Variants in TRHDE observed in about 807,000 individuals in gnomAD.
TRHDE encodes the protein thyrotropin releasing hormone degrading enzyme.
In TRHDE, 72 loss-of-function variants were observed where a neutral mutation model predicts 125.7. The observed-to-expected ratio is 0.57, with a 90% CI of 0.47 to 0.70. TRHDE has a LOEUF of 0.70. Ranked by LOEUF, TRHDE falls within the 30% of genes least tolerant of loss-of-function variation. TRHDE has a pLI of 0.00. For synonymous variants in TRHDE, 509 were observed against 509.1 expected, an observed-to-expected ratio of 1.00 and a Z score of 0.00; for missense variants, 1,110 against 1,327.1, an observed-to-expected ratio of 0.84 and a Z score of 2.54.
At chr12:72,302,930 G>T (rs1440930846) in intron 2 of TRHDE, among the ~76,000 whole-genome samples, 1 of 152,160 alleles carries the variant, frequency 6.6e-6, no homozygotes, top group Non-Finnish European at 1.5e-5. Flanking sequence ...AGCTAACTAG[G>T]TGCCAGTAGC....
intron 6 of TRHDE, among the ~76,000 whole-genome samples, chr12:72,523,743 T>TTTAA (rs1192628826): frequency 6.6e-6 from 1 of 152,190 alleles, no homozygotes; most frequent in Non-Finnish European, 1.5e-5. Context: ...TACACTCTAA[T>TTTAA]AAGACTGTAT....
intron 2 of TRHDE, among the ~76,000 whole-genome samples, chr12:72,375,715 C>A (rs1871848333): frequency 6.6e-6 from 1 of 152,062 alleles, no homozygotes; most frequent in Non-Finnish European, 1.5e-5. Context: ...TCTGTGGTAA[C>A]AATGTAACTT....
chr12:72,520,657 C>T (rs923513146), intron 6 of TRHDE, among the ~76,000 whole-genome samples: 7 of 151,984 alleles, frequency 4.6e-5, no homozygotes, highest in African/African-American at 1.7e-4. Flanking sequence ...CGGCCATCTT[C>T]TTCACTTACT....
At chr12:72,353,753 A>T (rs1371953934) in intron 2 of TRHDE, among the ~76,000 whole-genome samples, 3 of 151,580 alleles carry the variant, frequency 2.0e-5, no homozygotes, top group Non-Finnish European at 4.4e-5. Flanking sequence ...CCACAATCAA[A>T]TTTGCAAAAG....
chr12:72,197,905 A>G (rs1176262948), intron 2 of TRHDE, among the ~76,000 whole-genome samples: 1 of 151,976 alleles, frequency 6.6e-6, no homozygotes, highest in African/African-American at 2.4e-5. Context: ...TTCTGATTAC[A>G]TCTTTTATTT....
chr12:72,621,810 G>A (rs1459300004), intron 15 of TRHDE, 59 bp downstream of exon 15: 1 of 1,249,162 alleles, frequency 8.0e-7, no homozygotes, highest in African/African-American at 1.6e-5. Flanking sequence ...CAGAGTCTCA[G>A]TGGATGCATT....
At chr12:72,505,016 T>C (rs1458013192) in intron 6 of TRHDE, among the ~76,000 whole-genome samples, 1 of 152,096 alleles carries the variant, frequency 6.6e-6, no homozygotes, top group African/African-American at 2.4e-5. Context: ...TATAATACAC[T>C]TTAAATAGCT....
intron 2 of TRHDE, among the ~76,000 whole-genome samples, chr12:72,207,261 A>C (rs1315602014): frequency 6.6e-6 from 1 of 152,216 alleles, no homozygotes; most frequent in Non-Finnish European, 1.5e-5. Flanking sequence ...CAGTCACATT[A>C]GCTTAGATCA....
intron 15 of TRHDE, among the ~76,000 whole-genome samples, chr12:72,635,334 C>A: frequency 6.6e-6 from 1 of 152,166 alleles, no homozygotes; most frequent in Non-Finnish European, 1.5e-5. Flanking sequence ...CCTTTGCCTA[C>A]TTTTTGATGG....
At chr12:72,573,900 T>C (rs1454486153) in intron 10 of TRHDE, among the ~76,000 whole-genome samples, 8 of 151,996 alleles carry the variant, frequency 5.3e-5, no homozygotes, top group Admixed American at 5.2e-4. Context: ...TCTGTTCTAA[T>C]AGACACAATT....
chr12:72,473,812 A>G (rs1876761518), intron 5 of TRHDE, among the ~76,000 whole-genome samples: 1 of 152,196 alleles, frequency 6.6e-6, no homozygotes, highest in South Asian at 2.1e-4. Flanking sequence ...TTCATTTTAT[A>G]TAAGCTTTCA....
chr12:72,153,490 G>T (rs1161910880), intron 2 of TRHDE, among the ~76,000 whole-genome samples: 3 of 152,114 alleles, frequency 2.0e-5, no homozygotes, highest in African/African-American at 4.8e-5. Flanking sequence ...GTGATGTTAG[G>T]TTGTCAATTT....
intron 2 of TRHDE, among the ~76,000 whole-genome samples, chr12:72,251,524 G>A (rs1878683563): frequency 6.6e-6 from 1 of 150,588 alleles, no homozygotes; most frequent in Admixed American, 6.6e-5. Flanking sequence ...TCTACTTCAT[G>A]GTAGATATAG....
intron 12 of TRHDE, among the ~76,000 whole-genome samples, chr12:72,577,722 T>C (rs974975318): frequency 6.6e-6 from 1 of 152,186 alleles, no homozygotes; most frequent in East Asian, 1.9e-4. Context: ...TTTTAGTGGA[T>C]AAATTTCTTT....
chr12:72,106,695 C>T (rs1466229617), intron 2 of TRHDE, among the ~76,000 whole-genome samples: 1 of 152,042 alleles, frequency 6.6e-6, no homozygotes, highest in Non-Finnish European at 1.5e-5. Context: ...TGGATATTGC[C>T]ACATTGTAAA....
At chr12:72,343,263 G>T (rs928171524) in intron 2 of TRHDE, among the ~76,000 whole-genome samples, 1 of 151,038 alleles carries the variant, frequency 6.6e-6, no homozygotes, top group South Asian at 2.1e-4. Flanking sequence ...CCCCCACCCC[G>T]CCCCTGTGCA....
chr12:72,356,160 T>G (rs1343934042), intron 2 of TRHDE, among the ~76,000 whole-genome samples: 4 of 151,744 alleles, frequency 2.6e-5, no homozygotes, highest in African/African-American at 9.7e-5. Context: ...AATAGTATAC[T>G]GGATAGAGAG....
At chr12:72,509,056 A>G (rs1032540407) in intron 6 of TRHDE, among the ~76,000 whole-genome samples, 10 of 152,154 alleles carry the variant, frequency 6.6e-5, no homozygotes, top group African/African-American at 2.2e-4. Context: ...TAAATTACCC[A>G]GGTTCAGGTA....
chr12:72,602,979 G>T (rs58687032), intron 12 of TRHDE, among the ~76,000 whole-genome samples: 39,464 of 151,954 alleles, frequency 0.26, 7,688 homozygotes, highest in East Asian at 0.54. Flanking sequence ...AATACCAAAA[G>T]AAGGATAGTT....
Sources: gnomAD v4.1 joint callset for allele counts (sites outside exome capture counted in the v4.1 genomes callset) on GRCh38, gnomAD v4.1.1 for gene constraint, MANE v1.5 for transcripts, NCBI Gene and HGNC (gene_info 2026-07-23, HGNC 2026-07-21) for gene names.